The following PAMR1 variants were observed in gnomAD, a reference collection of about 807,000 sequenced individuals.
PAMR1 encodes inactive serine protease PAMR1.
In PAMR1, 88 loss-of-function variants were observed where a neutral mutation model predicts 81.8. The observed-to-expected ratio is 1.08, with a 90% CI of 0.91 to 1.28. PAMR1 has a LOEUF of 1.28. Among genes scored for constraint, PAMR1 ranks in the 50% most tolerant of loss-of-function variants. PAMR1 has a pLI of 0.00. For missense variants in PAMR1, 935 were observed against 919.7 expected, an observed-to-expected ratio of 1.02 and a Z score of -0.21; for synonymous variants, 336 against 345.3, an observed-to-expected ratio of 0.97 and a Z score of 0.30.
intron 3 of PAMR1, among the ~76,000 whole-genome samples, chr11:35,477,686 G>C (rs1850307489): frequency 6.6e-6 from 1 of 152,210 alleles, no homozygotes; most frequent in Admixed American, 6.5e-5. Context: ...GTAAATGTTA[G>C]CTGTTTGTAT....
At position 35,503,779 on chromosome 11, in the gene PAMR1, A is replaced by AT. The variant is rs1174157581; in HGVS notation, c.74-9508dup. ...AACAGTTTTTTGGTAGAGTCTTTAG[A>AT]TTTTTTTTAAATATAAGATTATTTG... On this transcript the variant is annotated intron_variant, in intron 1 of 10. Transcript: ENST00000619888. Among the ~76,000 whole-genome samples the AT allele has an allele frequency of 2.6e-5, 4 of 152,002 alleles. No individual in the cohort carries two copies. The East Asian group carries it at 5.8e-4, about 22-fold the overall frequency.
rs528699674 is a variant in PAMR1 at position 35,484,225 on chromosome 11, C to T, written c.379+7820G>A. On this transcript the variant is annotated intron_variant, in intron 3 of 10. Coordinates refer to ENST00000619888, the MANE Select transcript of PAMR1 (RefSeq NM_001001991.3). ...AACTCTCAAGGCCACTATGAGGATC[C>T]CAATTTTGTAAATGAGGAAACTGAG... Among the ~76,000 whole-genome samples the T allele has an allele frequency of 3.3e-5, 5 of 152,302 alleles. No homozygotes were observed. In the East Asian group the frequency reaches 9.6e-4, roughly 29 times the overall value.
chr11:35,510,800 A>G (rs548237706), intron 1 of PAMR1, among the ~76,000 whole-genome samples: 4 of 152,284 alleles, frequency 2.6e-5, no homozygotes, highest in African/African-American at 9.6e-5. Context: ...TAATTATTCT[A>G]TGTGTGCAAG....
intron 6 of PAMR1, chr11:35,453,278 C>T (rs1262130170): frequency 6.6e-6 from 1 of 152,224 alleles, no homozygotes; most frequent in South Asian, 2.1e-4. Flanking sequence ...TACAAAAGCC[C>T]ATTGTTGGGC....
intron 6 of PAMR1, among the ~76,000 whole-genome samples, chr11:35,443,022 T>C (rs1243704083): frequency 1.3e-5 from 2 of 152,222 alleles, no homozygotes; most frequent in African/African-American, 4.8e-5. Context: ...CAATTGATCC[T>C]GTCACACAGG....
At chr11:35,437,153 T>A (rs1188868050) in intron 8 of PAMR1, among the ~76,000 whole-genome samples, 1 of 152,204 alleles carries the variant, frequency 6.6e-6, no homozygotes, top group Non-Finnish European at 1.5e-5. Flanking sequence ...TCAGGGATTC[T>A]TGGGGAAGAT....
intron 6 of PAMR1, among the ~76,000 whole-genome samples, chr11:35,462,419 A>G (rs1172726228): frequency 6.6e-6 from 1 of 152,164 alleles, no homozygotes; most frequent in Admixed American, 6.6e-5. Context: ...TCTTGCCTGT[A>G]TGTTGGTGCA....
chr11:35,508,740 G>T (rs11033154), intron 1 of PAMR1, among the ~76,000 whole-genome samples: 30,055 of 151,744 alleles, frequency 0.2, 3,102 homozygotes, highest in East Asian at 0.29. Flanking sequence ...TGTGGAACAC[G>T]TGGATACAAA....
rs759788301 is a variant in PAMR1 at position 35,474,755 on chromosome 11, A to G, written c.380-11T>C. 1 of 1,583,974 alleles carries G rather than the reference A, an allele frequency of 6.3e-7. No individual in the cohort carries two copies. Among genetic ancestry groups the G allele is most frequent in the Non-Finnish European group, 8.6e-7 (1 of 1,156,970 alleles). On this transcript the variant is annotated splice_polypyrimidine_tract_variant and intron_variant, in intron 3 of 10. Coordinates refer to ENST00000619888, the MANE Select transcript of PAMR1 (RefSeq NM_001001991.3). The stretch of plus-strand genomic sequence containing the variant: ...GAACCTGGCCACATCCTAAGAAAAG[A>G]AGAAAAGATTGGGACATAAAAATGG...
chr11:35,478,142 G>A (rs557469500), intron 3 of PAMR1, among the ~76,000 whole-genome samples: 64 of 152,306 alleles, frequency 4.2e-4, no homozygotes, highest in African/African-American at 1.4e-3. Context: ...CCATATGGAA[G>A]CTGGAAGCAG....
chr11:35,455,111 G>C (rs2135359918), intron 6 of PAMR1, among the ~76,000 whole-genome samples: 1 of 152,244 alleles, frequency 6.6e-6, no homozygotes, highest in African/African-American at 2.4e-5. Flanking sequence ...CAAGTAAAGT[G>C]ACATCCTTTT....
At chr11:35,467,312 C>A (rs1237593299) in intron 6 of PAMR1, among the ~76,000 whole-genome samples, 4 of 152,176 alleles carry the variant, frequency 2.6e-5, no homozygotes, top group African/African-American at 9.7e-5. Context: ...TGTACACATT[C>A]TCAACTCACG....
intron 7 of PAMR1, among the ~76,000 whole-genome samples, 160 bp from the exon 8 acceptor site, chr11:35,439,853 T>A (rs765064373): frequency 2.6e-5 from 4 of 152,182 alleles, no homozygotes; most frequent in African/African-American, 4.8e-5. Context: ...CATCTCACTT[T>A]ACAAAAGAGC....
intron 6 of PAMR1, among the ~76,000 whole-genome samples, chr11:35,448,910 G>T (rs548508439): frequency 7.9e-5 from 12 of 152,150 alleles, no homozygotes; most frequent in Non-Finnish European, 1.8e-4. Flanking sequence ...GCTGCCGTTT[G>T]CTGGAGGTCC....
At chr11:35,497,375 A>C (rs988968150) in intron 1 of PAMR1, among the ~76,000 whole-genome samples, 1 of 152,186 alleles carries the variant, frequency 6.6e-6, no homozygotes, top group African/African-American at 2.4e-5. Flanking sequence ...ACAATAGGCA[A>C]ATTCATAGAG....
In PAMR1 at chr11:35,432,097, T is replaced by C. The variant is rs1057493421; in HGVS notation, c.*259A>G. ...AGGTCAGTGGAGTGGAGAGGTTTTGTATATGGTCTTCTTTGAAGAAACTTA... is the reference window on the plus strand; with the variant it reads ...AGGTCAGTGGAGTGGAGAGGTTTTGCATATGGTCTTCTTTGAAGAAACTTA... On this transcript the variant is annotated 3_prime_UTR_variant, in exon 11 of 11. Transcript: ENST00000619888. 6 of 491,186 alleles carry C rather than the reference T, an allele frequency of 1.2e-5. No individual in the cohort carries two copies. The highest frequency in any genetic ancestry group is 5.3e-4 in the Middle Eastern group (1 of 1,878). The allele number at this position is 491,186 out of a possible 1,614,324, so 30.4% of individuals were successfully genotyped here.
chr11:35,450,200 A>G (rs1856384984), intron 6 of PAMR1, among the ~76,000 whole-genome samples: 1 of 151,616 alleles, frequency 6.6e-6, no homozygotes, highest in Non-Finnish European at 1.5e-5. Flanking sequence ...TGAGAATTAA[A>G]AATAAATAAC....
At chr11:35,451,907 C>T (rs772690955) in intron 6 of PAMR1, 45 of 703,366 alleles carry the variant, frequency 6.4e-5, no homozygotes, top group Non-Finnish European at 8.7e-5. Context: ...AATCTTCTGA[C>T]GCCTTGATCT....
At chr11:35,459,300 A>G (rs1379262425) in intron 6 of PAMR1, among the ~76,000 whole-genome samples, 1 of 152,176 alleles carries the variant, frequency 6.6e-6, no homozygotes, top group African/African-American at 2.4e-5. Context: ...AAATTTTTGA[A>G]AAGTCCTAGT....
Sources: allele counts gnomAD v4.1 joint callset (sites outside exome capture counted in the v4.1 genomes callset), GRCh38; gene constraint gnomAD v4.1.1; transcripts MANE v1.5; gene names NCBI Gene and HGNC (gene_info 2026-07-23, HGNC 2026-07-21).